Variants in CDC7 observed in about 807,000 individuals in gnomAD.
The protein encoded by CDC7 is cell division cycle 7.
A neutral mutation model predicts 53.5 loss-of-function variants in CDC7; 34 were observed. The observed-to-expected ratio is 0.64, with a 90% CI of 0.48 to 0.85. The LOEUF is 0.85. Ranked by LOEUF, CDC7 falls within the 40% of genes least tolerant of loss-of-function variation. CDC7 has a pLI of 0.00. For synonymous variants in CDC7, 211 were observed against 222.8 expected, an observed-to-expected ratio of 0.95 and a Z score of 0.47; for missense variants, 594 against 679.7, an observed-to-expected ratio of 0.87 and a Z score of 1.40.
chr1:91,502,096 ATTAAATTTCTCT>A (rs371906214), intron 2 of CDC7, among the ~76,000 whole-genome samples: 8 of 152,326 alleles, frequency 5.3e-5, no homozygotes, highest in African/African-American at 1.9e-4. Flanking sequence ...TGATGCCCAA[ATTAAATTTCTCT>A]TTTGTATCTG....
rs1274204781 is a variant in CDC7, at chr1:91,505,136, T to G, written c.116-2718T>G. Among the ~76,000 whole-genome samples the G allele has an allele frequency of 2.6e-5, 4 of 151,990 alleles. No homozygotes were observed. The East Asian group carries it at 7.7e-4, about 29-fold the overall frequency. ...GTGAAGGAGTGACCTGTGCAGATATTTGGGGAAGAGCATTCCAAACAGAGG... is the reference window on the plus strand; with the variant it reads ...GTGAAGGAGTGACCTGTGCAGATATGTGGGGAAGAGCATTCCAAACAGAGG... On this transcript the variant is annotated intron_variant, in intron 2 of 11. Coordinates refer to ENST00000234626, the MANE Select transcript of CDC7 (RefSeq NM_003503.4).
intron 1 of CDC7, 194 bp downstream of exon 1, chr1:91,501,142 C>A (rs925322451): frequency 6.6e-6 from 1 of 152,354 alleles, no homozygotes; most frequent in Non-Finnish European, 1.5e-5. Context: ...GGAAGCCGGT[C>A]CTTCCCGGCT....
At position 91,524,145 on chromosome 1, in the gene CDC7, A is replaced by G; in HGVS notation, c.1435A>G (p.Ile479Val). The G allele has an allele frequency of 6.2e-7, 1 of 1,614,078 alleles. No homozygotes were observed. Among genetic ancestry groups the G allele is most frequent in the Non-Finnish European group, 8.5e-7 (1 of 1,179,948 alleles). ...TAGCACTCCCAAGTTAACAAGTGAT[A>G]TACAAGGGCATGCTTCTCATCAACC... ...DSSTPKLTSD[I>V]QGHASHQPAI... is the part of the protein sequence containing the mutation. Residue 479 changes from isoleucine (I) to valine (V), a missense_variant, in exon 12 of 12, where the codon ATA (isoleucine) becomes GTA (valine). Transcript: ENST00000234626.
intron 2 of CDC7, among the ~76,000 whole-genome samples, chr1:91,503,097 C>T (rs541105604): frequency 2.0e-5 from 3 of 152,266 alleles, no homozygotes; most frequent in African/African-American, 7.2e-5. Flanking sequence ...GTGACTTCAG[C>T]AGAGTATCTG....
chr1:91,511,996 G>T, intron 6 of CDC7, 73 bp downstream of exon 6: 1 of 1,122,504 alleles, frequency 8.9e-7, no homozygotes, highest in Middle Eastern at 2.7e-4. Flanking sequence ...CTATATTTAA[G>T]GTATTGAACA....
intron 6 of CDC7, 148 bp downstream of exon 6, chr1:91,512,071 AT>A: frequency 1.6e-6 from 1 of 625,974 alleles, no homozygotes; most frequent in Non-Finnish European, 2.6e-6. Flanking sequence ...TACCCATCTT[AT>A]TTTTGTTTTT....
At chr1:91,516,987 C>T (rs1041719554) in intron 10 of CDC7, among the ~76,000 whole-genome samples, 1 of 152,024 alleles carries the variant, frequency 6.6e-6, no homozygotes, top group South Asian at 2.1e-4. Flanking sequence ...ATCACTTGAA[C>T]GCAGGAGGCG....
intron 8 of CDC7, 135 bp from the exon 9 acceptor site, chr1:91,514,684 C>A: frequency 1.8e-6 from 1 of 558,944 alleles, no homozygotes; most frequent in Admixed American, 3.8e-5. Flanking sequence ...TAATAGACAA[C>A]AGTTTATTTA....
At chr1:91,514,786 T>A in intron 8 of CDC7, 33 bp from the exon 9 acceptor site, 1 of 1,515,292 alleles carries the variant, frequency 6.6e-7, no homozygotes, top group Non-Finnish European at 8.9e-7. Context: ...TTTAATATCA[T>A]GAAAATAGAA....
At chr1:91,508,532 C>T (rs1667108526) in intron 4 of CDC7, 135 bp downstream of exon 4, 1 of 642,424 alleles carries the variant, frequency 1.6e-6, no homozygotes, top group East Asian at 3.1e-5. Context: ...TTTGCTAGCA[C>T]TTTCCTTCTA....
At position 91,501,767 on chromosome 1, in the gene CDC7, C is replaced by T; in HGVS notation, c.51C>T (p.Pro17=). The change falls in exon 2 of 12, where the codon CCC becomes CCT. Residue 17 remains proline, a synonymous_variant. Transcript: ENST00000234626. ...TGGATGAGCCAATGGCTTTTTCTCCCCAGCGTGACCGGTTTCAGGCTGAAG... is the reference window on the plus strand; with the variant it reads ...TGGATGAGCCAATGGCTTTTTCTCCTCAGCGTGACCGGTTTCAGGCTGAAG... ...IQMDEPMAFS[P]QRDRFQAEGS... is the part of the protein sequence containing the mutation. 1 of 1,613,998 alleles carries T rather than the reference C, an allele frequency of 6.2e-7. No homozygotes were observed. Among genetic ancestry groups the T allele is most frequent in the Non-Finnish European group, 8.5e-7 (1 of 1,179,992 alleles).
At chr1:91,511,047 C>CT (rs1366558980) in intron 4 of CDC7, among the ~76,000 whole-genome samples, 1 of 152,150 alleles carries the variant, frequency 6.6e-6, no homozygotes, top group Non-Finnish European at 1.5e-5. Context: ...CTAGATAACT[C>CT]TATCAAAATG....
chr1:91,504,435 T>C (rs574027915), intron 2 of CDC7, among the ~76,000 whole-genome samples: 1 of 152,186 alleles, frequency 6.6e-6, no homozygotes, highest in East Asian at 1.9e-4. Flanking sequence ...TTTTTAAGTA[T>C]CTACTATATG....
chr1:91,512,258 A>C (rs542191943), intron 6 of CDC7, among the ~76,000 whole-genome samples: 8 of 152,246 alleles, frequency 5.3e-5, no homozygotes, highest in African/African-American at 1.9e-4. Flanking sequence ...TGCAATAGCC[A>C]TGCACAGATT....
At position 91,514,867 on chromosome 1, in the gene CDC7, AC is replaced by A; in HGVS notation, c.968del (p.Thr323LysfsTer11). 6.2e-7 allele frequency: 1 copy of A among 1,613,380 alleles called. No individual in the cohort carries two copies. Among genetic ancestry groups the A allele is most frequent in the African/African-American group, 1.3e-5 (1 of 75,020 alleles). ...TVDVLSRKLA[T>X]KKKAISTKVM... ...GGATGTACTGTCTAGAAAGTTAGCAACAAAAAAGAAGGCTATTTCTACAAAA... is the reference window on the plus strand; with the variant it reads ...GGATGTACTGTCTAGAAAGTTAGCAAAAAAAAGAAGGCTATTTCTACAAAA... On this transcript the variant is annotated frameshift_variant, in exon 9 of 12. Transcript: ENST00000234626. LOFTEE classifies it high-confidence loss of function.
intron 4 of CDC7, among the ~76,000 whole-genome samples, chr1:91,510,523 G>T (rs1667231021): frequency 6.6e-6 from 1 of 152,142 alleles, no homozygotes; most frequent in Non-Finnish European, 1.5e-5. Context: ...AGCCTTCTGT[G>T]TATTATAGAA....
intron 7 of CDC7, among the ~76,000 whole-genome samples, chr1:91,513,700 C>T (rs554331573): frequency 6.6e-6 from 1 of 152,190 alleles, no homozygotes; most frequent in African/African-American, 2.4e-5. Context: ...ATGTAACATC[C>T]ATGCAGGTGG....
In CDC7 at chr1:91,514,057, CT is replaced by C; in HGVS notation, c.918+16del. 2 of 1,502,804 alleles carry C rather than the reference CT, an allele frequency of 1.3e-6. No homozygotes were observed. The highest frequency in any genetic ancestry group is 9.3e-7 in the Non-Finnish European group (1 of 1,079,846). The allele number at this position is 1,502,804 out of a possible 1,614,324, so 93.1% of individuals were successfully genotyped here. ...CCTGCAGTGAAAGTAAGTAATGTAG[CT>C]TAATAGCATAATGGTCAGTCAGTCA... On this transcript the variant is annotated intron_variant, in intron 8 of 11. Coordinates refer to ENST00000234626, the MANE Select transcript of CDC7 (RefSeq NM_003503.4).
chr1:91,505,543 A>G lies in CDC7; in HGVS notation c.116-2311A>G, dbSNP rs144022030. The stretch of plus-strand genomic sequence containing the variant: ...AAAACAAAAGTGACTTAAAATGTCA[A>G]AATAGAAGCCTAGACCTTCATGTAT... On this transcript the variant is annotated intron_variant, in intron 2 of 11. Transcript: ENST00000234626. 9.1e-4 allele frequency among the ~76,000 whole-genome samples: 139 copies of G among 152,376 alleles called. 2 individuals carry two copies. Among genetic ancestry groups the G allele is most frequent in the African/African-American group, 3.2e-3 (132 of 41,586 alleles).
Sources: gnomAD v4.1 joint callset for allele counts (sites outside exome capture counted in the v4.1 genomes callset) on GRCh38, gnomAD v4.1.1 for gene constraint, MANE v1.5 for transcripts, NCBI Gene and HGNC (gene_info 2026-07-23, HGNC 2026-07-21) for gene names.